Variants in EPDR1 observed in about 807,000 individuals in gnomAD.
EPDR1 encodes mammalian ependymin-related protein 1.
In EPDR1, 27 loss-of-function variants were observed where a neutral mutation model predicts 23.7. The observed-to-expected ratio is 1.14, with a 90% CI of 0.84 to 1.57. The LOEUF is 1.57. EPDR1 is among the 40% of genes most tolerant of loss of function. The pLI, the probability that EPDR1 is intolerant of heterozygous loss-of-function variation, is 0.00. For missense variants in EPDR1, 349 were observed against 290.4 expected (o/e 1.20, Z -1.47); for synonymous variants, 137 against 118.2 (o/e 1.16, Z -1.03).
intron 1 of EPDR1, among the ~76,000 whole-genome samples, chr7:37,926,952 A>G (rs1158201915): frequency 6.6e-6 from 1 of 152,174 alleles, no homozygotes; most frequent in Non-Finnish European, 1.5e-5. Context: ...TGCTGTTCAT[A>G]ATGTCCTAGA....
chr7:37,927,220 G>C (rs1392475510), intron 1 of EPDR1, among the ~76,000 whole-genome samples: 1 of 152,084 alleles, frequency 6.6e-6, no homozygotes, highest in South Asian at 2.1e-4. Flanking sequence ...ACAAAGCAAG[G>C]GGTGTTAAGT....
chr7:37,920,695 G>C lies in EPDR1; in HGVS notation c.-245G>C. The C allele has an allele frequency of 6.3e-7, 1 of 1,575,698 alleles. No homozygotes were observed. On this transcript the variant is annotated 5_prime_UTR_variant, in exon 1 of 3. Coordinates refer to ENST00000199448, the MANE Select transcript of EPDR1 (RefSeq NM_017549.5). ...CAGCAGGCAGTGGCAGCAGGCAGTG[G>C]CCCAGGCAGAAATAGCTCCCGCGCG...
Position 37,921,064 on chromosome 7 carries a change from G to A in EPDR1, c.125G>A (p.Cys42Tyr), listed in dbSNP as rs1187380259. The change falls in exon 1 of 3, where the codon TGC (cysteine) becomes TAC (tyrosine). Residue 42 changes from cysteine to tyrosine, a missense_variant. Cys to Tyr is a radical substitution (Grantham distance 194, BLOSUM62 -2). Coordinates refer to ENST00000199448, the MANE Select transcript of EPDR1 (RefSeq NM_017549.5). Reference protein sequence around the residue: ...SLGAVGAPRPCQAPQQWEGRQ... With the variant: ...SLGAVGAPRPYQAPQQWEGRQ... The stretch of plus-strand genomic sequence containing the variant: ...GGGGCGGTGGGAGCCCCGCGCCCGT[G>A]CCAGGCGCCGCAGCAGTGGGAGGGG... 4 of 1,557,610 alleles carry A rather than the reference G, an allele frequency of 2.6e-6. No homozygotes were observed. In the South Asian group the frequency reaches 4.6e-5, roughly 18 times the overall value.
chr7:37,949,050 T>C lies in EPDR1; in HGVS notation c.478+2T>C. On this transcript the variant is annotated splice_donor_variant, in intron 2 of 2. Transcript: ENST00000199448. LOFTEE classifies it high-confidence loss of function. ...CGGACAGAAAGTCAGCTAGATCCTG[T>C]AAGGGTTCAAAGAATCTAAGCATTG... 1 of 1,613,796 alleles carries C rather than the reference T, an allele frequency of 6.2e-7. No individual in the cohort carries two copies. The highest frequency in any genetic ancestry group is 8.5e-7 in the Non-Finnish European group (1 of 1,179,694).
intron 1 of EPDR1, among the ~76,000 whole-genome samples, chr7:37,940,582 T>G (rs1416491758): frequency 6.6e-6 from 1 of 152,184 alleles, no homozygotes; most frequent in Non-Finnish European, 1.5e-5. Context: ...GGAACTACAA[T>G]GAAATCTTAA....
At chr7:37,930,324 GC>G in intron 1 of EPDR1, among the ~76,000 whole-genome samples, 1 of 152,180 alleles carries the variant, frequency 6.6e-6, no homozygotes, top group East Asian at 1.9e-4. Flanking sequence ...AGCCGGTGGT[GC>G]AGGGCCAAGG....
At chr7:37,929,980 G>A (rs890861057) in intron 1 of EPDR1, among the ~76,000 whole-genome samples, 2 of 152,172 alleles carry the variant, frequency 1.3e-5, no homozygotes, top group Admixed American at 1.3e-4. Context: ...ATCTGAAGAG[G>A]AATCAGATCC....
intron 1 of EPDR1, among the ~76,000 whole-genome samples, chr7:37,941,472 T>C (rs577596971): frequency 7.9e-5 from 12 of 152,322 alleles, no homozygotes; most frequent in African/African-American, 2.9e-4. Context: ...GTCCAAAGTA[T>C]ACAACCTCAC....
At chr7:37,928,744 C>G (rs534043443) in intron 1 of EPDR1, among the ~76,000 whole-genome samples, 2 of 152,228 alleles carry the variant, frequency 1.3e-5, no homozygotes, top group African/African-American at 4.8e-5. Context: ...CTCTGGACTG[C>G]TAATAGTGGA....
intron 1 of EPDR1, among the ~76,000 whole-genome samples, chr7:37,935,752 T>G (rs1786033214): frequency 6.6e-6 from 1 of 151,506 alleles, no homozygotes; most frequent in Non-Finnish European, 1.5e-5. Flanking sequence ...CTACATCTAG[T>G]TCAAAATTCC....
At chr7:37,944,126 A>C (rs1046638730) in intron 1 of EPDR1, among the ~76,000 whole-genome samples, 1 of 152,240 alleles carries the variant, frequency 6.6e-6, no homozygotes. Flanking sequence ...GAACAAAGGA[A>C]GCTTATTGTA....
intron 1 of EPDR1, among the ~76,000 whole-genome samples, chr7:37,944,979 A>G (rs776446265): frequency 4.7e-4 from 72 of 152,366 alleles, no homozygotes; most frequent in Non-Finnish European, 7.3e-4. Flanking sequence ...AGCACTGGGG[A>G]AAGCACAAGA....
At chr7:37,935,207 C>T (rs1054822547) in intron 1 of EPDR1, among the ~76,000 whole-genome samples, 13 of 152,146 alleles carry the variant, frequency 8.5e-5, no homozygotes, top group Admixed American at 2.0e-4. Flanking sequence ...TTCTCAACCT[C>T]TATATTGAGA....
intron 1 of EPDR1, among the ~76,000 whole-genome samples, chr7:37,931,982 A>G (rs1432326871): frequency 6.6e-6 from 1 of 152,192 alleles, no homozygotes; most frequent in African/African-American, 2.4e-5. Context: ...TGCTGGGATT[A>G]CACGCGTGAG....
intron 1 of EPDR1, among the ~76,000 whole-genome samples, chr7:37,921,992 TGACAAAG>T (rs1376720791): frequency 6.6e-6 from 1 of 152,232 alleles, no homozygotes; most frequent in Non-Finnish European, 1.5e-5. Flanking sequence ...ACATCTGTTG[TGACAAAG>T]GAAACCCTCT....
rs1397811548 is a variant in EPDR1 at position 37,951,153 on chromosome 7, TCTTCACAGA to T, written c.*761_*769del. ...CAAGAGTATTGATGTATGTGCTGAA[TCTTCACAGA>T]CTTGTCAATACACAGGCAGTATTCT... On this transcript the variant is annotated 3_prime_UTR_variant, in exon 3 of 3. Transcript: ENST00000199448. The T allele has an allele frequency of 6.6e-6, 1 of 152,216 alleles. No individual in the cohort carries two copies. Among genetic ancestry groups the T allele is most frequent in the African/African-American group, 2.4e-5 (1 of 41,460 alleles). 9.4% of individuals were successfully genotyped at this position (152,216 alleles called of 1,614,324 possible).
intron 1 of EPDR1, among the ~76,000 whole-genome samples, chr7:37,933,976 C>CT (rs576903776): frequency 0.049 from 6,509 of 133,304 alleles, 324 homozygotes; most frequent in East Asian, 0.13. Flanking sequence ...TTCTGCCATT[C>CT]TTTTTTTTTT....
intron 1 of EPDR1, among the ~76,000 whole-genome samples, chr7:37,947,518 G>A (rs932459222): frequency 2.6e-5 from 4 of 152,142 alleles, no homozygotes; most frequent in East Asian, 1.9e-4. Context: ...TTTTAAGCTC[G>A]GGCTTGGGCT....
chr7:37,920,975 C>T lies in EPDR1; in HGVS notation c.36C>T (p.Gly12=), dbSNP rs147877097. 16 of 1,560,978 alleles carry T rather than the reference C, an allele frequency of 1.0e-5. No homozygotes were observed. In the African/African-American group the frequency reaches 1.5e-4, roughly 14 times the overall value. Residue 12 remains glycine (G), a synonymous_variant, in exon 1 of 3, where the codon GGC becomes GGT. Coordinates refer to ENST00000199448, the MANE Select transcript of EPDR1 (RefSeq NM_017549.5). Reference sequence around the variant, plus strand: ...GCGCTCCCCTCCGCACCGTCCCGGGCGCCCTGGGTGCCTGGCTGCTGGGCG... The same window carrying T: ...GCGCTCCCCTCCGCACCGTCCCGGGTGCCCTGGGTGCCTGGCTGCTGGGCG... ...PGRAPLRTVP[G]ALGAWLLGGL...
Sources: allele counts gnomAD v4.1 joint callset (sites outside exome capture counted in the v4.1 genomes callset), GRCh38; gene constraint gnomAD v4.1.1; transcripts MANE v1.5; gene names NCBI Gene and HGNC (gene_info 2026-07-23, HGNC 2026-07-21).